Variants in DNAJC1 observed in about 807,000 individuals in gnomAD.
DNAJC1 encodes the protein dnaJ homolog subfamily C member 1.
DNAJC1 carries 58 observed loss-of-function variants against 76.6 expected under a neutral mutation model. The ratio of observed to expected loss-of-function variants is 0.76; its 90% CI spans 0.61 to 0.94. DNAJC1 has a LOEUF of 0.94. Among genes scored for constraint, DNAJC1 ranks in the 40% least tolerant of loss-of-function variants. DNAJC1 has a pLI of 0.00. For synonymous variants in DNAJC1, 258 were observed against 267.9 expected (o/e 0.96, Z 0.36); for missense variants, 689 against 677.3 (o/e 1.02, Z -0.19).
chr10:22,002,855 A>C (rs1254486536), intron 1 of DNAJC1, among the ~76,000 whole-genome samples: 2 of 150,192 alleles, frequency 1.3e-5, no homozygotes, highest in Non-Finnish European at 3.0e-5. Context: ...GTAGGTGTTA[A>C]ATTAAAAAAA....
intron 8 of DNAJC1, among the ~76,000 whole-genome samples, chr10:21,857,034 C>A (rs771075568): frequency 6.6e-5 from 10 of 152,020 alleles, no homozygotes; most frequent in Non-Finnish European, 1.3e-4. Flanking sequence ...CCATGTCCAG[C>A]CGAAAAATAT....
chr10:21,832,389 A>G (rs1027913844), intron 8 of DNAJC1, among the ~76,000 whole-genome samples: 2 of 152,170 alleles, frequency 1.3e-5, no homozygotes, highest in Admixed American at 1.3e-4. Flanking sequence ...GATTTCTTAA[A>G]TTCTACATTA....
At chr10:21,813,094 C>CATATATATATATATATATAT (rs1451322364) in intron 8 of DNAJC1, among the ~76,000 whole-genome samples, 162 of 66,666 alleles carry the variant, frequency 2.4e-3, no homozygotes, top group African/African-American at 3.9e-3. Flanking sequence ...TATACACACA[C>CATATATATATATATATATAT]ACATATATAT....
At chr10:21,926,059 C>T (rs1026323723) in intron 3 of DNAJC1, among the ~76,000 whole-genome samples, 4 of 152,212 alleles carry the variant, frequency 2.6e-5, no homozygotes, top group Admixed American at 1.3e-4. Context: ...TCAAGCAATC[C>T]TCCCACCTCA....
At chr10:21,963,857 T>G (rs1362916991) in intron 1 of DNAJC1, among the ~76,000 whole-genome samples, 2 of 152,330 alleles carry the variant, frequency 1.3e-5, no homozygotes, top group East Asian at 3.9e-4. Flanking sequence ...TTTGTTTCTA[T>G]TTCTTTCCTT....
At chr10:21,950,805 C>T (rs941377837) in intron 1 of DNAJC1, among the ~76,000 whole-genome samples, 11 of 152,282 alleles carry the variant, frequency 7.2e-5, no homozygotes, top group South Asian at 2.1e-4. Flanking sequence ...CCACAACATT[C>T]CCTTGAGCCA....
chr10:21,977,776 C>T (rs1838089712), intron 1 of DNAJC1, among the ~76,000 whole-genome samples: 1 of 151,880 alleles, frequency 6.6e-6, no homozygotes, highest in East Asian at 1.9e-4. Context: ...ATTTTAAATC[C>T]CCACTTCCCC....
chr10:21,763,960 G>C (rs1394695042), intron 10 of DNAJC1, among the ~76,000 whole-genome samples: 1 of 152,168 alleles, frequency 6.6e-6, no homozygotes, highest in East Asian at 1.9e-4. Context: ...GCTGGCATAA[G>C]TCGGAATATC....
chr10:21,862,793 A>C (rs1415953419), intron 8 of DNAJC1, among the ~76,000 whole-genome samples: 1 of 152,208 alleles, frequency 6.6e-6, no homozygotes, highest in Non-Finnish European at 1.5e-5. Context: ...TAGAAAAAGA[A>C]GGAAGTTCTC....
At chr10:21,813,074 T>C (rs1834997546) in intron 8 of DNAJC1, among the ~76,000 whole-genome samples, 1 of 113,856 alleles carries the variant, frequency 8.8e-6, no homozygotes, top group Admixed American at 9.8e-5. Context: ...TATATACATA[T>C]ATATACATAT....
chr10:21,824,709 T>C (rs1835219102), intron 8 of DNAJC1, among the ~76,000 whole-genome samples: 1 of 152,224 alleles, frequency 6.6e-6, no homozygotes, highest in Non-Finnish European at 1.5e-5. Flanking sequence ...CCTTATTCTT[T>C]TATTTTTAAT....
At chr10:21,833,984 G>A (rs191445369) in intron 8 of DNAJC1, among the ~76,000 whole-genome samples, 11 of 151,922 alleles carry the variant, frequency 7.2e-5, no homozygotes, top group African/African-American at 2.7e-4. Context: ...GGTTCCCCAG[G>A]CCAGGTGCGG....
intron 1 of DNAJC1, among the ~76,000 whole-genome samples, chr10:21,935,432 T>C (rs1288109328): frequency 6.6e-6 from 1 of 151,986 alleles, no homozygotes; most frequent in Non-Finnish European, 1.5e-5. Context: ...TTACCTGATC[T>C]GGGGAGCAGA....
At chr10:21,893,207 G>A (rs1836485647) in intron 7 of DNAJC1, among the ~76,000 whole-genome samples, 1 of 148,890 alleles carries the variant, frequency 6.7e-6, no homozygotes, top group Non-Finnish European at 1.5e-5. Context: ...AACTATTAAT[G>A]TTTAATAGAA....
intron 3 of DNAJC1, among the ~76,000 whole-genome samples, chr10:21,926,029 G>A (rs1012785019): frequency 3.3e-5 from 5 of 152,200 alleles, no homozygotes; most frequent in African/African-American, 7.2e-5. Context: ...AGCACAGTGC[G>A]CAACTTCCGC....
chr10:21,990,977 T>C (rs1048861012), intron 1 of DNAJC1, among the ~76,000 whole-genome samples: 14 of 152,186 alleles, frequency 9.2e-5, no homozygotes, highest in Admixed American at 2.0e-4. Context: ...TATGAAAAGG[T>C]AGCAGAGGCA....
chr10:21,955,325 A>G (rs1320356464), intron 1 of DNAJC1, among the ~76,000 whole-genome samples: 2 of 152,218 alleles, frequency 1.3e-5, no homozygotes, highest in Admixed American at 6.5e-5. Context: ...CTTACTATTT[A>G]AGGTAAAAAT....
In DNAJC1 at chr10:21,848,313, TATTGA is replaced by T. The variant is rs541098312; in HGVS notation, c.978+33964_978+33968del. Among the ~76,000 whole-genome samples the T allele has an allele frequency of 1.2e-3, 176 of 152,326 alleles. 2 individuals are homozygous for T. The highest frequency in any genetic ancestry group is 4.1e-3 in the African/African-American group (171 of 41,582). ...CTCATTTTAAAATCAGATTATTTGC[TATTGA>T]GTTGAGTTTCTTATATATTCTAGTT... On this transcript the variant is annotated intron_variant, in intron 8 of 11. Transcript: ENST00000376980.
intron 1 of DNAJC1, among the ~76,000 whole-genome samples, chr10:21,951,900 T>C (rs1002640837): frequency 2.6e-5 from 4 of 152,230 alleles, no homozygotes; most frequent in African/African-American, 9.6e-5. Flanking sequence ...TCTTGAAATG[T>C]GTCCCTTTGT....
Sources: allele counts gnomAD v4.1 joint callset (sites outside exome capture counted in the v4.1 genomes callset), GRCh38; gene constraint gnomAD v4.1.1; transcripts MANE v1.5; gene names NCBI Gene and HGNC (gene_info 2026-07-23, HGNC 2026-07-21).